The following SORCS1 variants were observed in gnomAD, a reference collection of about 807,000 sequenced individuals.
The protein encoded by SORCS1 is VPS10 domain-containing receptor SorCS1.
Under a neutral mutation model 146.1 loss-of-function variants are expected in SORCS1, and 60 were observed. That is an observed-to-expected ratio of 0.41 (90% confidence interval 0.33 to 0.51). SORCS1 has a LOEUF of 0.51. Among genes scored for constraint, SORCS1 ranks in the 20% least tolerant of loss-of-function variants. The probability of loss-of-function intolerance (pLI) is 0.21; values close to 1 mark genes in which losing one functional copy is unlikely to be tolerated. For missense variants in SORCS1, 1,352 were observed against 1,487.6 expected, an observed-to-expected ratio of 0.91 and a Z score of 1.50; for synonymous variants, 637 against 584.0, an observed-to-expected ratio of 1.09 and a Z score of -1.31.
chr10:107,017,179 A>T (rs1433306146), intron 1 of SORCS1, among the ~76,000 whole-genome samples: 1 of 152,222 alleles, frequency 6.6e-6, no homozygotes, highest in Non-Finnish European at 1.5e-5. Flanking sequence ...CATATATTTG[A>T]GCCTAAAAGA....
chr10:106,761,536 C>A, intron 5 of SORCS1, 52 bp downstream of exon 5: 1 of 1,503,706 alleles, frequency 6.7e-7, no homozygotes, highest in South Asian at 1.1e-5. Context: ...TTTACTAGGT[C>A]ATATCTGACT....
chr10:106,709,520 C>T (rs1854809524), intron 6 of SORCS1, among the ~76,000 whole-genome samples, 179 bp from the exon 7 acceptor site: 3 of 144,144 alleles, frequency 2.1e-5, no homozygotes, highest in African/African-American at 7.7e-5. Flanking sequence ...GCGATCTCGG[C>T]TCACTGCAAG....
chr10:106,815,714 G>C (rs775223296), intron 3 of SORCS1, among the ~76,000 whole-genome samples: 1 of 152,146 alleles, frequency 6.6e-6, no homozygotes, highest in Non-Finnish European at 1.5e-5. Flanking sequence ...CCTCATACAA[G>C]TATAATCTTC....
rs1283424560 is a variant in SORCS1, at chr10:106,981,991, A to G, written c.559-25411T>C. On this transcript the variant is annotated intron_variant, in intron 1 of 25. Coordinates refer to ENST00000263054, the MANE Select transcript of SORCS1 (RefSeq NM_052918.5). ...CACCCATTCAAACATATTGACTTTCATTGTTTTTGTGGAGTTCCAAGTTCC... is the reference window on the plus strand; with the variant it reads ...CACCCATTCAAACATATTGACTTTCGTTGTTTTTGTGGAGTTCCAAGTTCC... Among the ~76,000 whole-genome samples the G allele has an allele frequency of 4.6e-5, 7 of 152,148 alleles. No individual in the cohort carries two copies. In the East Asian group the frequency reaches 1.3e-3, roughly 29 times the overall value.
At chr10:106,890,475 C>A (rs928599397) in intron 2 of SORCS1, among the ~76,000 whole-genome samples, 28 of 151,640 alleles carry the variant, frequency 1.8e-4, no homozygotes, top group Non-Finnish European at 2.7e-4. Context: ...GAAAAAAAAA[C>A]AAAGGTCTAT....
intron 9 of SORCS1, among the ~76,000 whole-genome samples, chr10:106,690,897 G>C (rs751648418): frequency 6.6e-6 from 1 of 152,086 alleles, no homozygotes; most frequent in Non-Finnish European, 1.5e-5. Flanking sequence ...CCCTAGGCAC[G>C]CACAAGCCAC....
At position 106,709,318 on chromosome 10, in the gene SORCS1, T is replaced by C; in HGVS notation, c.1048A>G (p.Met350Val). 1.2e-6 allele frequency: 2 copies of C among 1,613,704 alleles called. No individual in the cohort carries two copies. Among genetic ancestry groups the C allele is most frequent in the Non-Finnish European group, 1.7e-6 (2 of 1,179,726 alleles). The change falls in exon 7 of 26, where the codon ATG (methionine) becomes GTG (valine). Residue 350 changes from methionine (M) to valine (V), a missense_variant. Physicochemically the swap from Met to Val is conservative, Grantham distance 21. Transcript: ENST00000263054. ...DGHSHYLTCR[M>V]QNCTEANRNQ... is the part of the protein sequence containing the mutation. ...CTGTTGGCCTCTGTACAGTTCTGCA[T>C]TCGGCAAGTTAGATAATGTGAATCT...
intron 2 of SORCS1, among the ~76,000 whole-genome samples, chr10:106,951,701 A>G (rs1379053120): frequency 6.6e-6 from 1 of 152,174 alleles, no homozygotes; most frequent in Non-Finnish European, 1.5e-5. Flanking sequence ...ATGACCATGA[A>G]GTCTGTTGTG....
intron 5 of SORCS1, among the ~76,000 whole-genome samples, chr10:106,743,573 T>C (rs914372678): frequency 6.6e-6 from 1 of 152,024 alleles, no homozygotes; most frequent in Non-Finnish European, 1.5e-5. Flanking sequence ...TACAGGTGCA[T>C]ACCACCGTGC....
intron 24 of SORCS1, among the ~76,000 whole-genome samples, chr10:106,579,801 A>G (rs1844795588): frequency 6.6e-6 from 1 of 152,142 alleles, no homozygotes; most frequent in Admixed American, 6.5e-5. Flanking sequence ...AAATAAAAAT[A>G]ATGGTATATA....
rs1033765820 is a variant in SORCS1, at chr10:106,577,121, C to T, written c.*299G>A. 9.6e-7 allele frequency: 1 copy of T among 1,044,646 alleles called. No individual in the cohort carries two copies. Among genetic ancestry groups the T allele is most frequent in the African/African-American group, 1.6e-5 (1 of 60,834 alleles). 64.7% of individuals were successfully genotyped at this position (1,044,646 alleles called of 1,614,324 possible). ...GTCTGTGTCTGAAGAATTAAAAAGTCCCGATGCAGTGAGTGTTTGTTTGTT... is the reference window on the plus strand; with the variant it reads ...GTCTGTGTCTGAAGAATTAAAAAGTTCCGATGCAGTGAGTGTTTGTTTGTT... On this transcript the variant is annotated 3_prime_UTR_variant, in exon 26 of 26. Coordinates refer to ENST00000263054, the MANE Select transcript of SORCS1 (RefSeq NM_052918.5).
rs571468259 is a variant in SORCS1, at chr10:106,806,733, T to C, written c.726+22841A>G. On this transcript the variant is annotated intron_variant, in intron 3 of 25. Transcript: ENST00000263054. ...GGTTTCACCATGTTAGCCAGGATGG[T>C]CTCCACCTCCTGACCTCGTGATCAG... is the stretch of plus-strand genomic sequence containing the variant. Among the ~76,000 whole-genome samples the C allele has an allele frequency of 5.9e-5, 9 of 151,832 alleles. No individual in the cohort carries two copies. In the East Asian group the frequency reaches 1.8e-3, roughly 30 times the overall value.
intron 3 of SORCS1, among the ~76,000 whole-genome samples, chr10:106,779,545 A>ATTTTTTTTTTTT (rs1491495992): frequency 1.7e-5 from 2 of 116,732 alleles, no homozygotes; most frequent in Non-Finnish European, 1.9e-5. Flanking sequence ...ATTATGGCCC[A>ATTTTTTTTTTTT]TATTTTTTTT....
At chr10:107,095,689 A>G (rs1964501581) in intron 1 of SORCS1, among the ~76,000 whole-genome samples, 1 of 152,162 alleles carries the variant, frequency 6.6e-6, no homozygotes, top group Non-Finnish European at 1.5e-5. Context: ...AATCCACTCT[A>G]TATGTAAGGG....
chr10:107,128,380 C>T (rs2134608207), intron 1 of SORCS1, among the ~76,000 whole-genome samples: 1 of 152,274 alleles, frequency 6.6e-6, no homozygotes, highest in South Asian at 2.1e-4. Flanking sequence ...TCAAGAGTGA[C>T]CTTTCACAGT....
At chr10:106,816,763 T>G (rs1947761062) in intron 3 of SORCS1, among the ~76,000 whole-genome samples, 1 of 152,102 alleles carries the variant, frequency 6.6e-6, no homozygotes, top group African/African-American at 2.4e-5. Flanking sequence ...AAAATAATAA[T>G]AATAAAACGA....
chr10:106,935,003 A>G (rs1286976347), intron 2 of SORCS1, among the ~76,000 whole-genome samples: 2 of 152,168 alleles, frequency 1.3e-5, no homozygotes, highest in Non-Finnish European at 2.9e-5. Context: ...AAAATCTCAG[A>G]CTTCATCACT....
At chr10:106,795,580 C>T (rs2136571407) in intron 3 of SORCS1, among the ~76,000 whole-genome samples, 1 of 152,196 alleles carries the variant, frequency 6.6e-6, no homozygotes, top group South Asian at 2.1e-4. Context: ...GAAGCTCTGG[C>T]TATAATGATC....
chr10:106,899,588 G>C (rs555023711), intron 2 of SORCS1, among the ~76,000 whole-genome samples: 11 of 143,168 alleles, frequency 7.7e-5, no homozygotes, highest in Middle Eastern at 3.7e-3. Context: ...CCTGCCACCA[G>C]GGCTTTTTTT....
Sources: allele counts gnomAD v4.1 joint callset (sites outside exome capture counted in the v4.1 genomes callset), GRCh38; gene constraint gnomAD v4.1.1; transcripts MANE v1.5; gene names NCBI Gene and HGNC (gene_info 2026-07-23, HGNC 2026-07-21).